ANKS1B: variants seen among roughly 807,000 people sequenced by gnomAD.
The protein encoded by ANKS1B is ankyrin repeat and sterile alpha motif domain containing 1B.
Under a neutral mutation model 148.3 loss-of-function variants are expected in ANKS1B, and 36 were observed. The observed-to-expected ratio is 0.24, with a 90% CI of 0.19 to 0.32. The LOEUF (loss-of-function observed/expected upper bound fraction) is 0.32. ANKS1B is among the 10% of genes least tolerant of loss of function. The pLI is 1.00. For synonymous variants in ANKS1B, 542 were observed against 560.8 expected, an observed-to-expected ratio of 0.97 and a Z score of 0.47; for missense variants, 1,157 against 1,542.6, an observed-to-expected ratio of 0.75 and a Z score of 4.19.
intron 19 of ANKS1B, among the ~76,000 whole-genome samples, chr12:98,825,758 C>A: frequency 6.6e-6 from 1 of 152,224 alleles, no homozygotes; most frequent in African/African-American, 2.4e-5. Flanking sequence ...TTCTAAATAT[C>A]ATTCAAGAAA....
intron 8 of ANKS1B, among the ~76,000 whole-genome samples, chr12:99,739,183 C>T (rs1459728534): frequency 6.6e-6 from 1 of 151,638 alleles, no homozygotes; most frequent in Admixed American, 6.6e-5. Context: ...TAATTCTACC[C>T]TAACTTTATA....
intron 8 of ANKS1B, among the ~76,000 whole-genome samples, chr12:99,766,131 C>A (rs1384018107): frequency 6.6e-6 from 1 of 152,166 alleles, no homozygotes; most frequent in Admixed American, 6.5e-5. Context: ...TTTGCAAGAA[C>A]ATATACACTT....
At chr12:99,849,263 G>A (rs2087264452) in intron 1 of ANKS1B, among the ~76,000 whole-genome samples, 1 of 151,970 alleles carries the variant, frequency 6.6e-6, no homozygotes, top group African/African-American at 2.4e-5. Context: ...ATATATGTGT[G>A]TGTGTATACA....
intron 17 of ANKS1B, among the ~76,000 whole-genome samples, chr12:99,001,194 G>GC (rs2099932788): frequency 6.6e-6 from 1 of 151,952 alleles, no homozygotes; most frequent in Non-Finnish European, 1.5e-5. Flanking sequence ...GAGTGGTGGC[G>GC]CCATCTCGGC....
intron 8 of ANKS1B, among the ~76,000 whole-genome samples, chr12:99,728,700 A>G (rs1056282405): frequency 1.3e-5 from 2 of 152,222 alleles, no homozygotes; most frequent in Non-Finnish European, 2.9e-5. Context: ...TTACAACAGC[A>G]AAGACATGGA....
At position 99,044,533 on chromosome 12, in the gene ANKS1B, G is replaced by A. The variant is rs972606155; in HGVS notation, c.2778+8624C>T. On this transcript the variant is annotated intron_variant, in intron 17 of 26. Transcript: ENST00000683438. ...AGGGCAGGTGAATGGGGTTGGAGATGGGAATGAGGGAGGACAGCATCTGAG... is the reference window on the plus strand; with the variant it reads ...AGGGCAGGTGAATGGGGTTGGAGATAGGAATGAGGGAGGACAGCATCTGAG... 2.6e-5 allele frequency among the ~76,000 whole-genome samples: 4 copies of A among 152,116 alleles called. No homozygotes were observed. In the South Asian group the frequency reaches 6.2e-4, roughly 24 times the overall value.
At chr12:99,321,608 C>T (rs1252368853) in intron 12 of ANKS1B, among the ~76,000 whole-genome samples, 1 of 152,326 alleles carries the variant, frequency 6.6e-6, no homozygotes, top group South Asian at 2.1e-4. Context: ...TCTGTCATGG[C>T]TTCCCTTGGC....
At chr12:99,914,650 G>A (rs1333018640) in intron 1 of ANKS1B, among the ~76,000 whole-genome samples, 1 of 152,096 alleles carries the variant, frequency 6.6e-6, no homozygotes, top group African/African-American at 2.4e-5. Flanking sequence ...TAAATGCACA[G>A]CCCCAGCAGG....
chr12:99,788,219 T>TA (rs1350372845), intron 4 of ANKS1B, among the ~76,000 whole-genome samples: 3 of 152,152 alleles, frequency 2.0e-5, no homozygotes, highest in African/African-American at 7.2e-5. Context: ...ACAACAAAAG[T>TA]AACTTTTCCC....
intron 9 of ANKS1B, among the ~76,000 whole-genome samples, chr12:99,610,099 A>G (rs2153339971): frequency 6.6e-6 from 1 of 152,182 alleles, no homozygotes; most frequent in South Asian, 2.1e-4. Flanking sequence ...ACACTCCTAC[A>G]AGAAAAGGTT....
At chr12:99,423,104 A>G (rs764270045) in intron 11 of ANKS1B, among the ~76,000 whole-genome samples, 1 of 152,236 alleles carries the variant, frequency 6.6e-6, no homozygotes. Context: ...TGTGAAGAGT[A>G]AAATTCAAAA....
intron 25 of ANKS1B, among the ~76,000 whole-genome samples, chr12:98,762,525 T>C (rs4762509): frequency 0.73 from 110,634 of 152,132 alleles, 40,404 homozygotes; most frequent in Admixed American, 0.78. Context: ...CAATCACCCC[T>C]AAATGCTATT....
At chr12:98,954,933 G>C (rs1036953632) in intron 17 of ANKS1B, among the ~76,000 whole-genome samples, 6 of 117,484 alleles carry the variant, frequency 5.1e-5, no homozygotes, top group Admixed American at 3.7e-4. Context: ...CCTCCCTCCT[G>C]CCCACCCTCC....
intron 1 of ANKS1B, among the ~76,000 whole-genome samples, chr12:99,905,674 T>C (rs1181506463): frequency 1.3e-5 from 2 of 152,230 alleles, no homozygotes; most frequent in Non-Finnish European, 2.9e-5. Flanking sequence ...TAGTTCTTGC[T>C]GAGGCCTCTC....
rs2094521010 is a variant in ANKS1B, at chr12:99,928,262, T to C, written c.134+55842A>G. ...AAGTCTTCAACCACCTATTATTTTA[T>C]TTTATTTTATTTTTTTTTTTTTTTT... On this transcript the variant is annotated intron_variant, in intron 1 of 26. Transcript: ENST00000683438. 3.8e-5 allele frequency among the ~76,000 whole-genome samples: 4 copies of C among 105,602 alleles called. No individual in the cohort carries two copies. The South Asian group carries it at 1.0e-3, about 28-fold the overall frequency. 69.3% of individuals were successfully genotyped at this position (105,602 alleles called of 152,430 possible).
At chr12:98,959,621 C>CA (rs2099867943) in intron 17 of ANKS1B, among the ~76,000 whole-genome samples, 1 of 152,160 alleles carries the variant, frequency 6.6e-6, no homozygotes, top group South Asian at 2.1e-4. Context: ...TCATAAGAAC[C>CA]AAAAATCAGC....
intron 4 of ANKS1B, among the ~76,000 whole-genome samples, chr12:99,791,813 A>C (rs1211303024): frequency 9.0e-6 from 1 of 111,192 alleles, no homozygotes; most frequent in Non-Finnish European, 2.1e-5. Context: ...GAAAAACTTA[A>C]AATAAATAAT....
chr12:99,325,400 C>A (rs1566896045), intron 12 of ANKS1B, among the ~76,000 whole-genome samples: 1 of 152,064 alleles, frequency 6.6e-6, no homozygotes, highest in Non-Finnish European at 1.5e-5. Flanking sequence ...TGGCAGTTTA[C>A]AAATGGATAG....
chr12:99,850,286 T>TCCCTCTCTCC (rs752948280), intron 1 of ANKS1B, among the ~76,000 whole-genome samples: 1 of 140,590 alleles, frequency 7.1e-6, no homozygotes, highest in African/African-American at 2.5e-5. Context: ...AGAAAGTCTC[T>TCCCTCTCTCC]CTCTCTCTCT....
Sources: gnomAD v4.1 joint callset for allele counts (sites outside exome capture counted in the v4.1 genomes callset) on GRCh38, gnomAD v4.1.1 for gene constraint, MANE v1.5 for transcripts, NCBI Gene and HGNC (gene_info 2026-07-23, HGNC 2026-07-21) for gene names.